CUL5: variants seen among roughly 807,000 people sequenced by gnomAD.
CUL5 encodes cullin 5, also known as cullin-5.
A neutral mutation model predicts 108.8 loss-of-function variants in CUL5; 26 were observed. The ratio of observed to expected loss-of-function variants is 0.24; its 90% CI spans 0.18 to 0.33. The LOEUF (loss-of-function observed/expected upper bound fraction) is 0.33, where lower values mean the gene tolerates loss of function less well. CUL5 is among the 10% of genes least tolerant of loss of function. The pLI is 1.00. For missense variants in CUL5, 524 were observed against 909.2 expected, an observed-to-expected ratio of 0.58 and a Z score of 5.45; for synonymous variants, 334 against 298.0, an observed-to-expected ratio of 1.12 and a Z score of -1.25.
At chr11:108,088,811 G>T in intron 12 of CUL5, 152 bp downstream of exon 12, 2 of 532,398 alleles carry the variant, frequency 3.8e-6, no homozygotes, top group Non-Finnish European at 6.0e-6. Flanking sequence ...ACCTCTCGGG[G>T]GGTTATTTTT....
chr11:108,084,033 T>G (rs1194090330), intron 11 of CUL5, among the ~76,000 whole-genome samples: 1 of 152,168 alleles, frequency 6.6e-6, no homozygotes, highest in African/African-American at 2.4e-5. Context: ...TTAGTGTATT[T>G]TATGTATGGC....
chr11:108,032,887 A>G (rs951020631), intron 1 of CUL5, among the ~76,000 whole-genome samples: 7 of 151,976 alleles, frequency 4.6e-5, no homozygotes, highest in Non-Finnish European at 1.0e-4. Context: ...CAGAGTTTAC[A>G]TAGATTTCCA....
Position 108,033,929 on chromosome 11 carries a change from T to C in CUL5, c.134+18T>C, listed in dbSNP as rs1403077631. On this transcript the variant is annotated intron_variant, in intron 2 of 18. Transcript: ENST00000393094. ...CTGTTTTCGTAAGTACCCCACTAAT[T>C]CTGTTTGCTAGCATAAAGGAAATTT... 2.3e-5 allele frequency: 34 copies of C among 1,474,782 alleles called. No homozygotes were observed. The highest frequency in any genetic ancestry group is 3.2e-5 in the Non-Finnish European group (34 of 1,064,140). The allele number at this position is 1,474,782 out of a possible 1,614,324, so 91.4% of individuals were successfully genotyped here.
Position 108,095,539 on chromosome 11 carries a change from A to T in CUL5, c.1753A>T (p.Lys585Ter). 1 of 1,601,838 alleles carries T rather than the reference A, an allele frequency of 6.2e-7. No individual in the cohort carries two copies. The highest frequency in any genetic ancestry group is 8.5e-7 in the Non-Finnish European group (1 of 1,171,216). ...GTTTTATCTATTATAGATAACATTT[A>T]AGAATGAAGTTGGTCAATATGATTT... Reference protein sequence around the residue: ...HLMSNGIITFKNEVGQYDLEV... With the variant: ...HLMSNGIITF Residue 585 changes from lysine (K) to a stop codon, truncating the protein, a stop_gained, in exon 16 of 19, where the codon AAG becomes TAG. Coordinates refer to ENST00000393094, the MANE Select transcript of CUL5 (RefSeq NM_003478.6). LOFTEE classifies it high-confidence loss of function.
intron 2 of CUL5, among the ~76,000 whole-genome samples, chr11:108,041,000 A>G (rs1862891015): frequency 6.6e-6 from 1 of 152,160 alleles, no homozygotes; most frequent in Admixed American, 6.5e-5. Context: ...CCTTTCTGAC[A>G]TATATGCAAA....
In CUL5 at chr11:108,071,528, G is replaced by A. The variant is rs190142333; in HGVS notation, c.875-804G>A. On this transcript the variant is annotated intron_variant, in intron 8 of 18. Coordinates refer to ENST00000393094, the MANE Select transcript of CUL5 (RefSeq NM_003478.6). ...CTGACCTTTTAAAGAAAGGAGTTGGGTTTTGCAGTATTTGATCACTTTTTT... is the reference window on the plus strand; with the variant it reads ...CTGACCTTTTAAAGAAAGGAGTTGGATTTTGCAGTATTTGATCACTTTTTT... Among the ~76,000 whole-genome samples the A allele has an allele frequency of 1.5e-4, 23 of 152,206 alleles. No individual in the cohort carries two copies. The East Asian group carries it at 4.1e-3, about 27-fold the overall frequency.
At chr11:108,065,022 A>T (rs1451253728) in intron 7 of CUL5, among the ~76,000 whole-genome samples, 3 of 151,652 alleles carry the variant, frequency 2.0e-5, no homozygotes, top group African/African-American at 7.3e-5. Flanking sequence ...TATTTATTTA[A>T]TTAATTAATT....
chr11:108,061,125 T>A (rs1021228615), intron 7 of CUL5, among the ~76,000 whole-genome samples: 1 of 152,132 alleles, frequency 6.6e-6, no homozygotes, highest in African/African-American at 2.4e-5. Context: ...GGCAAAAAGT[T>A]TTTTTCTTCA....
chr11:108,102,486 C>G (rs1864696933), intron 18 of CUL5, among the ~76,000 whole-genome samples: 1 of 152,144 alleles, frequency 6.6e-6, no homozygotes, highest in African/African-American at 2.4e-5. Context: ...GCCACCATAC[C>G]CAGCTAATTT....
At chr11:108,096,490 T>G (rs974045073) in intron 16 of CUL5, among the ~76,000 whole-genome samples, 4 of 146,550 alleles carry the variant, frequency 2.7e-5, no homozygotes, top group Non-Finnish European at 6.0e-5. Context: ...ATCTCAAAAA[T>G]TTTTTTTTTT....
intron 18 of CUL5, among the ~76,000 whole-genome samples, chr11:108,103,415 G>C (rs10890811): frequency 6.7e-6 from 1 of 149,188 alleles, no homozygotes; most frequent in East Asian, 2.0e-4. Context: ...AGAAGAAGGG[G>C]AAAAAAAAAA....
intron 11 of CUL5, among the ~76,000 whole-genome samples, chr11:108,088,047 G>GTT (rs923398395): frequency 6.8e-6 from 1 of 147,652 alleles, no homozygotes; most frequent in Admixed American, 6.8e-5. Context: ...TTCATTTATA[G>GTT]TTTTTTTTTT....
At position 108,054,289 on chromosome 11, in the gene CUL5, T is replaced by C. The variant is rs80269031; in HGVS notation, c.554-358T>C. On this transcript the variant is annotated intron_variant, in intron 5 of 18. Transcript: ENST00000393094. The stretch of plus-strand genomic sequence containing the variant: ...TCATATTTTCTTGTGCTTTTCTGCT[T>C]CTGAATATTTACTTACCTTACTAAT... Among the ~76,000 whole-genome samples the C allele has an allele frequency of 3.7e-3, 557 of 152,344 alleles. 1 individual carries two copies. Among genetic ancestry groups the C allele is most frequent in the African/African-American group, 0.013 (533 of 41,586 alleles).
At chr11:108,061,031 A>G (rs1360627008) in intron 7 of CUL5, among the ~76,000 whole-genome samples, 1 of 152,118 alleles carries the variant, frequency 6.6e-6, no homozygotes, top group African/African-American at 2.4e-5. Flanking sequence ...AAAGTGTTTC[A>G]CCTTGCAGAC....
At chr11:108,101,686 C>T (rs1349760131) in intron 18 of CUL5, among the ~76,000 whole-genome samples, 1 of 152,206 alleles carries the variant, frequency 6.6e-6, no homozygotes, top group African/African-American at 2.4e-5. Context: ...GATTATTTCC[C>T]TCATACTGTG....
intron 7 of CUL5, among the ~76,000 whole-genome samples, chr11:108,058,543 C>T (rs191897111): frequency 0.015 from 2,287 of 151,314 alleles, 54 homozygotes; most frequent in African/African-American, 0.053. Context: ...CCACTGCACC[C>T]GGCCCAAAGT....
In CUL5 at chr11:108,049,891, G is replaced by A. The variant is rs775692877; in HGVS notation, c.236G>A (p.Arg79Gln). The change falls in exon 4 of 19, where the codon CGA (arginine) becomes CAA (glutamine). Residue 79 changes from arginine to glutamine, a missense_variant and splice_region_variant. Arg to Gln is a conservative substitution (Grantham distance 43). Around this residue, in one of 8 missense-constraint regions of CUL5, gnomAD observed 170 missense variants for 305.1 expected, o/e 0.56. Transcript: ENST00000393094. ...ILEFIKQAQA[R>Q]VLSHQDDTAL... ...AATTGGTACACCTCTTTTTTTCAGC[G>A]AGTACTGAGCCATCAAGATGATACG... The A allele has an allele frequency of 1.1e-5, 18 of 1,600,304 alleles. No homozygotes were observed. Among genetic ancestry groups the A allele is most frequent in the Admixed American group, 5.3e-5 (3 of 56,262 alleles).
chr11:108,054,638 G>C lies in CUL5; in HGVS notation c.554-9G>C, dbSNP rs1278816335. On this transcript the variant is annotated splice_polypyrimidine_tract_variant and intron_variant, in intron 5 of 18. Transcript: ENST00000393094. ...TAATTGGAGTAATACTTTATTTTCT[G>C]TTTTTCAGTTAACCTTTGTTCTAAT... is the stretch of plus-strand genomic sequence containing the variant. 1.3e-6 allele frequency: 2 copies of C among 1,530,632 alleles called. No individual in the cohort carries two copies. 94.8% of individuals were successfully genotyped at this position (1,530,632 alleles called of 1,614,324 possible).
intron 13 of CUL5, among the ~76,000 whole-genome samples, chr11:108,092,236 G>A (rs1188919156): frequency 1.3e-5 from 2 of 152,190 alleles, no homozygotes; most frequent in Admixed American, 1.3e-4. Context: ...AGGAGAAATT[G>A]GAACCTTCGT....
Sources: allele counts gnomAD v4.1 joint callset (sites outside exome capture counted in the v4.1 genomes callset), GRCh38; gene constraint gnomAD v4.1.1; regional missense constraint gnomAD v4.1.1; transcripts MANE v1.5; gene names NCBI Gene and HGNC (gene_info 2026-07-23, HGNC 2026-07-21).